Variants in PPEF1 observed in about 807,000 individuals in gnomAD.
PPEF1 encodes protein phosphatase with EF-hand domain 1.
PPEF1 carries 12 observed loss-of-function variants against 53.3 expected under a neutral mutation model. That is an observed-to-expected ratio of 0.23 (90% CI 0.14 to 0.36). The LOEUF (loss-of-function observed/expected upper bound fraction) is 0.36, where lower values mean the gene tolerates loss of function less well. Ranked by LOEUF, PPEF1 falls within the 10% of genes least tolerant of loss-of-function variation. PPEF1 has a pLI of 1.00. For synonymous variants in PPEF1, 165 were observed against 176.7 expected (o/e 0.93, Z 0.52); for missense variants, 334 against 490.4 (o/e 0.68, Z 3.01).
chrX:18,779,325 C>T, intron 7 of PPEF1, 149 bp downstream of exon 7: 2 of 499,714 alleles, frequency 4.0e-6, no homozygotes, highest in Non-Finnish European at 6.2e-6. Context: ...CCCCTTTCAC[C>T]ACCCCCATTA....
intron 12 of PPEF1, among the ~76,000 whole-genome samples, chrX:18,817,482 C>T: frequency 9.0e-6 from 1 of 110,701 alleles, no homozygotes; most frequent in East Asian, 2.8e-4. Flanking sequence ...GCTGGGACTA[C>T]AGGCACGTGC....
At chrX:18,821,255 C>G (rs1265584701) in intron 13 of PPEF1, among the ~76,000 whole-genome samples, 1 of 107,870 alleles carries the variant, frequency 9.3e-6, no homozygotes, top group Non-Finnish European at 1.9e-5. Flanking sequence ...TAATCCTTGG[C>G]TCAAAGAGAA....
At chrX:18,698,514 C>A (rs1467614207) in intron 5 of PPEF1, among the ~76,000 whole-genome samples, 1 of 111,870 alleles carries the variant, frequency 8.9e-6, no homozygotes, top group Non-Finnish European at 1.9e-5. Flanking sequence ...TGTGGCCAGT[C>A]GCAGTGGCTC....
chrX:18,816,152 T>G (rs906177012), intron 12 of PPEF1, among the ~76,000 whole-genome samples: 1 of 111,080 alleles, frequency 9.0e-6, no homozygotes, highest in East Asian at 2.8e-4. Flanking sequence ...AGCTATAAAT[T>G]TTTATCTAAG....
chrX:18,742,969 A>C (rs895189390), intron 3 of PPEF1, among the ~76,000 whole-genome samples: 1 of 112,535 alleles, frequency 8.9e-6, no homozygotes, highest in African/African-American at 3.2e-5. Flanking sequence ...AGAAGCTGCC[A>C]GGCCTCTTAA....
At chrX:18,796,246 G>A (rs2046431297) in intron 10 of PPEF1, among the ~76,000 whole-genome samples, 1 of 112,570 alleles carries the variant, frequency 8.9e-6, no homozygotes, top group African/African-American at 3.2e-5. Context: ...ATGAGCCACT[G>A]TGCCCGGCCC....
intron 3 of PPEF1, among the ~76,000 whole-genome samples, chrX:18,740,413 C>CTTT (rs763003965): frequency 1.0e-5 from 1 of 98,187 alleles, no homozygotes; most frequent in African/African-American, 3.8e-5. Context: ...CTCTCTCTCT[C>CTTT]TTTTTTTTTT....
At chrX:18,814,575 G>A (rs2046866901) in intron 12 of PPEF1, among the ~76,000 whole-genome samples, 1 of 111,784 alleles carries the variant, frequency 8.9e-6, no homozygotes, top group Non-Finnish European at 1.9e-5. Context: ...GTTTTGATTT[G>A]CATTGCTCTG....
intron 3 of PPEF1, among the ~76,000 whole-genome samples, chrX:18,738,422 T>G (rs1467522928): frequency 8.9e-6 from 1 of 111,946 alleles, no homozygotes; most frequent in East Asian, 2.8e-4. Context: ...GGGTTGAAAA[T>G]TCTTTTCTTT....
Position 18,699,366 on chromosome X carries a change from G to T in PPEF1, c.-225-967G>T, listed in dbSNP as rs929982193. Among the ~76,000 whole-genome samples the T allele has an allele frequency of 7.1e-5, 8 of 111,945 alleles. No individual in the cohort carries two copies. In the Middle Eastern group the frequency reaches 0.014, roughly 192 times the overall value. On this transcript the variant is annotated intron_variant, in intron 5 of 21. Coordinates refer to the PPEF1 transcript ENST00000361511. ...CAGAAAGGAATCGAGCTAAAGAGCA[G>T]CTTGGGTGGGGTTATGAAATGTTTA...
rs142775601 is a variant in PPEF1, at chrX:18,800,482, C to T, written c.1066-3410C>T. Among the ~76,000 whole-genome samples the T allele has an allele frequency of 5.1e-3, 565 of 111,155 alleles. 4 individuals are homozygous for T. Among genetic ancestry groups the T allele is most frequent in the African/African-American group, 0.018 (537 of 30,637 alleles). On this transcript the variant is annotated intron_variant, in intron 10 of 15. Coordinates refer to ENST00000470157, the MANE Select transcript of PPEF1 (RefSeq NM_001377996.1). ...TGAAAATATTTGGAAAAAAAGAAAA[C>T]AATATAACAATACAATCTAATATAA...
intron 1 of PPEF1, among the ~76,000 whole-genome samples, chrX:18,723,715 C>T (rs1386958770): frequency 9.0e-6 from 1 of 110,666 alleles, no homozygotes; most frequent in Non-Finnish European, 1.9e-5. Context: ...AACAGTAGAA[C>T]AGGTAAAGAG....
chrX:18,744,434 T>A (rs991401522), intron 3 of PPEF1, among the ~76,000 whole-genome samples: 5 of 111,584 alleles, frequency 4.5e-5, no homozygotes, highest in African/African-American at 1.6e-4. Flanking sequence ...TGCATAGGAC[T>A]CCATGGGGTG....
At chrX:18,775,923 T>A (rs755519440) in intron 6 of PPEF1, among the ~76,000 whole-genome samples, 5 of 109,224 alleles carry the variant, frequency 4.6e-5, no homozygotes, top group Non-Finnish European at 9.6e-5. Context: ...TCTAGTAGGA[T>A]CCAACATTTC....
At chrX:18,813,413 A>G (rs940738263) in intron 12 of PPEF1, among the ~76,000 whole-genome samples, 4 of 107,677 alleles carry the variant, frequency 3.7e-5, no homozygotes, top group Non-Finnish European at 5.7e-5. Flanking sequence ...TGATTTTTGG[A>G]TATTGATCTT....
intron 9 of PPEF1, among the ~76,000 whole-genome samples, chrX:18,786,064 A>T (rs1052505941): frequency 3.6e-5 from 4 of 112,618 alleles, no homozygotes; most frequent in Non-Finnish European, 7.5e-5. Context: ...TGTCTTTGTC[A>T]GTCAAATATT....
chrX:18,753,944 G>A (rs1364993473), intron 4 of PPEF1, among the ~76,000 whole-genome samples: 9 of 109,563 alleles, frequency 8.2e-5, no homozygotes, highest in African/African-American at 2.7e-4. Context: ...AAAGTGTTTA[G>A]TAGATATCTA....
At chrX:18,799,067 C>T in intron 10 of PPEF1, among the ~76,000 whole-genome samples, 1 of 111,396 alleles carries the variant, frequency 9.0e-6, no homozygotes, top group Non-Finnish European at 1.9e-5. Flanking sequence ...GAAACCCCGT[C>T]TCTACTAAAA....
rs2046279418 is a variant in PPEF1 at position 18,789,185 on chromosome X, A to G, written c.977A>G (p.Asn326Ser). 1.7e-6 allele frequency: 2 copies of G among 1,210,922 alleles called. No individual in the cohort carries two copies. Among genetic ancestry groups the G allele is most frequent in the Non-Finnish European group, 1.1e-6 (1 of 894,412 alleles). Residue 326 changes from asparagine to serine, a missense_variant, in exon 10 of 16, where the codon AAT becomes AGT. Physicochemically the swap from Asn to Ser is conservative, Grantham distance 46 (BLOSUM62 1). Coordinates refer to ENST00000470157, the MANE Select transcript of PPEF1 (RefSeq NM_001377996.1). The stretch of plus-strand genomic sequence containing the variant: ...GACCATGACACTGACTCGAAGCACA[A>G]TAAAGTAGGTGTGACTTTTAATGCA... ...NRDHDTDSKHNKVGVTFNAHG... is the reference protein window; with the variant it reads ...NRDHDTDSKHSKVGVTFNAHG...
Sources: allele counts gnomAD v4.1 joint callset (sites outside exome capture counted in the v4.1 genomes callset), GRCh38; gene constraint gnomAD v4.1.1; transcripts MANE v1.5; gene names NCBI Gene and HGNC (gene_info 2026-07-23, HGNC 2026-07-21).